The following ECPAS variants were observed in gnomAD, a reference collection of about 807,000 sequenced individuals.
ECPAS encodes the protein Ecm29 proteasome adaptor and scaffold.
A neutral mutation model predicts 255.1 loss-of-function variants in ECPAS; 70 were observed. The observed-to-expected ratio is 0.27, with a 90% CI of 0.23 to 0.33. The LOEUF (loss-of-function observed/expected upper bound fraction) is 0.33, where lower values mean the gene tolerates loss of function less well. Among genes scored for constraint, ECPAS ranks in the 10% least tolerant of loss-of-function variants. The probability of loss-of-function intolerance (pLI) is 1.00; values close to 1 mark genes in which losing one functional copy is unlikely to be tolerated. For missense variants in ECPAS, 1,817 were observed against 2,206.4 expected (o/e 0.82, Z 3.54); for synonymous variants, 784 against 775.0 (o/e 1.01, Z -0.19).
intron 2 of ECPAS, among the ~76,000 whole-genome samples, chr9:111,458,815 A>T (rs1238019029): frequency 6.6e-6 from 1 of 152,182 alleles, no homozygotes; most frequent in African/African-American, 2.4e-5. Context: ...AAGTACCCTG[A>T]CACAACACAA....
At chr9:111,422,899 A>G (rs907823227) in intron 13 of ECPAS, among the ~76,000 whole-genome samples, 8 of 152,234 alleles carry the variant, frequency 5.3e-5, no homozygotes, top group Non-Finnish European at 1.2e-4. Context: ...GTAGCAACAA[A>G]AACACTTAAG....
chr9:111,471,453 A>T (rs2132079395), intron 2 of ECPAS, among the ~76,000 whole-genome samples: 1 of 152,306 alleles, frequency 6.6e-6, no homozygotes, highest in Non-Finnish European at 1.5e-5. Context: ...TTGTATCATC[A>T]GCAGCAATAT....
rs778537153 is a variant in ECPAS at position 111,414,660 on chromosome 9, A to G, written c.1765-9T>C. Reference sequence around the variant, plus strand: ...CGCAAGTACAGAACGATCTACAAACAGAACGGAGAGGAAGACTGCATAAGC... The same window carrying G: ...CGCAAGTACAGAACGATCTACAAACGGAACGGAGAGGAAGACTGCATAAGC... On this transcript the variant is annotated splice_polypyrimidine_tract_variant and intron_variant, in intron 18 of 49. Coordinates refer to ENST00000684092, the MANE Select transcript of ECPAS (RefSeq NM_001364929.1). 1 of 1,602,234 alleles carries G rather than the reference A, an allele frequency of 6.2e-7. No homozygotes were observed. Among genetic ancestry groups the G allele is most frequent in the Non-Finnish European group, 8.5e-7 (1 of 1,172,224 alleles).
chr9:111,475,665 G>C (rs924703651), intron 1 of ECPAS, among the ~76,000 whole-genome samples: 1 of 151,844 alleles, frequency 6.6e-6, no homozygotes, highest in Non-Finnish European at 1.5e-5. Flanking sequence ...GAACCTGGGA[G>C]GCAGAGGTTG....
intron 20 of ECPAS, 76 bp from the exon 21 acceptor site, chr9:111,412,224 A>G: frequency 7.8e-7 from 1 of 1,275,564 alleles, no homozygotes. Context: ...TTTTAAAATT[A>G]AAAGAACGTT....
intron 2 of ECPAS, among the ~76,000 whole-genome samples, chr9:111,464,158 T>TGCG (rs2098276439): frequency 6.6e-6 from 1 of 151,036 alleles, no homozygotes; most frequent in Admixed American, 6.6e-5. Flanking sequence ...AGGGGCTGAG[T>TGCG]GTGGTGGCTC....
At chr9:111,483,212 G>T (rs1465351170) in intron 1 of ECPAS, among the ~76,000 whole-genome samples, 1 of 152,080 alleles carries the variant, frequency 6.6e-6, no homozygotes, top group Non-Finnish European at 1.5e-5. Context: ...AGTGGGCAGG[G>T]GGCTGGGCTC....
At chr9:111,436,033 GAA>G (rs1290825673) in intron 7 of ECPAS, among the ~76,000 whole-genome samples, 2 of 135,874 alleles carry the variant, frequency 1.5e-5, no homozygotes. Flanking sequence ...GTTTAAGGAG[GAA>G]AAAAAAAAAA....
At chr9:111,455,806 T>C (rs551533298) in intron 2 of ECPAS, among the ~76,000 whole-genome samples, 175 of 152,298 alleles carry the variant, frequency 1.1e-3, no homozygotes, top group African/African-American at 4.0e-3. Flanking sequence ...ATCAAGTATG[T>C]GCTGTGTGAC....
intron 34 of ECPAS, 73 bp from the exon 35 acceptor site, chr9:111,383,405 T>A: frequency 1.3e-6 from 2 of 1,515,122 alleles, no homozygotes; most frequent in African/African-American, 2.7e-5. Context: ...GACAAAAGAC[T>A]TTCTACTTCA....
At chr9:111,399,618 C>A (rs2098172631) in intron 24 of ECPAS, among the ~76,000 whole-genome samples, 1 of 152,208 alleles carries the variant, frequency 6.6e-6, no homozygotes, top group Non-Finnish European at 1.5e-5. Flanking sequence ...CTCAGGCCCA[C>A]AAATAAATTT....
intron 2 of ECPAS, among the ~76,000 whole-genome samples, chr9:111,471,659 T>C (rs957168644): frequency 6.6e-6 from 1 of 152,164 alleles, no homozygotes; most frequent in Non-Finnish European, 1.5e-5. Flanking sequence ...TCTGATATCA[T>C]CCAAGAGTGA....
At position 111,425,818 on chromosome 9, in the gene ECPAS, T is replaced by C; in HGVS notation, c.1061A>G (p.Asp354Gly). The C allele has an allele frequency of 3.3e-6, 5 of 1,538,178 alleles. No homozygotes were observed. The highest frequency in any genetic ancestry group is 4.5e-6 in the Non-Finnish European group (5 of 1,116,666). Residue 354 changes from aspartate (D) to glycine (G), a missense_variant, in exon 11 of 50, where the codon GAT (aspartate) becomes GGT (glycine). Asp to Gly is a moderately conservative substitution (Grantham distance 94). Around this residue, in one of 4 missense-constraint regions of ECPAS, gnomAD observed 573 missense variants for 716.2 expected, o/e 0.80. Coordinates refer to ENST00000684092, the MANE Select transcript of ECPAS (RefSeq NM_001364929.1). ...TFPANIQVVY[D>G]GLFGTNTNSK... ...ATTTGTATTTGTACCAAAAAGTCCA[T>C]CATACACCACCTATGTAAAATGAAG... is the stretch of plus-strand genomic sequence containing the variant.
At chr9:111,391,520 G>A (rs2098160155) in intron 29 of ECPAS, among the ~76,000 whole-genome samples, 1 of 151,450 alleles carries the variant, frequency 6.6e-6, no homozygotes, top group Admixed American at 6.6e-5. Context: ...GGCGGAGGTT[G>A]CAGTGAGCCG....
At chr9:111,461,179 G>T (rs1589226908) in intron 2 of ECPAS, among the ~76,000 whole-genome samples, 1 of 152,038 alleles carries the variant, frequency 6.6e-6, no homozygotes, top group East Asian at 1.9e-4. Context: ...ACTACAGTAG[G>T]CTGGGCACAG....
chr9:111,367,421 T>C (rs1171953901), intron 46 of ECPAS, among the ~76,000 whole-genome samples: 2 of 152,218 alleles, frequency 1.3e-5, no homozygotes, highest in Non-Finnish European at 2.9e-5. Context: ...TAAATGCACA[T>C]TTCTATTAAC....
rs1381721810 is a variant in ECPAS at position 111,389,717 on chromosome 9, C to G, written c.3286G>C (p.Ala1096Pro). 1.2e-6 allele frequency: 2 copies of G among 1,608,470 alleles called. No homozygotes were observed. Among genetic ancestry groups the G allele is most frequent in the South Asian group, 1.1e-5 (1 of 90,176 alleles). Reference sequence around the variant, plus strand: ...GTAGCAATTACATTAAAACCAAAAGCAGCACCCTAAAAATAATAGGCTGAA... The same window carrying G: ...GTAGCAATTACATTAAAACCAAAAGGAGCACCCTAAAAATAATAGGCTGAA... ...HAMWNSRKGA[A>P]FGFNVIATRA... Residue 1096 changes from alanine (A) to proline (P), a missense_variant, in exon 31 of 50, where the codon GCT (alanine) becomes CCT (proline). This residue lies in a region of ECPAS where 960 missense variants were observed against 1,179.0 expected (regional missense o/e 0.81). Transcript: ENST00000684092.
chr9:111,384,094 T>C (rs553076654), intron 34 of ECPAS, among the ~76,000 whole-genome samples: 3 of 152,318 alleles, frequency 2.0e-5, no homozygotes, highest in South Asian at 2.1e-4. Context: ...ATGTGACCTA[T>C]GGCAAGGTTT....
rs1286765929 is a variant in ECPAS at position 111,362,204 on chromosome 9, C to CA, written c.5381-36dup. The CA allele has an allele frequency of 2.7e-6, 4 of 1,458,104 alleles. No individual in the cohort carries two copies. The East Asian group carries it at 7.6e-5, about 28-fold the overall frequency. 90.3% of individuals were successfully genotyped at this position (1,458,104 alleles called of 1,614,324 possible). A position where few individuals can be genotyped will look rare whatever the true frequency, so the allele number is the denominator to read the frequency against. On this transcript the variant is annotated intron_variant, in intron 49 of 49. Transcript: ENST00000684092. ...AAAAAAAAAACAAAAACAAAAAAAA[C>CA]AAAAAACAAAGCAAAAAGAAAAAAC...
Sources: gnomAD v4.1 joint callset for allele counts (sites outside exome capture counted in the v4.1 genomes callset) on GRCh38, gnomAD v4.1.1 for gene constraint, gnomAD v4.1.1 regional missense constraint, MANE v1.5 for transcripts, NCBI Gene and HGNC (gene_info 2026-07-23, HGNC 2026-07-21) for gene names.